Variants in PCDHA6 observed in about 807,000 individuals in gnomAD.
PCDHA6 encodes the protein protocadherin alpha 6, also known as protocadherin alpha-6.
PCDHA6 carries 55 observed loss-of-function variants against 60.3 expected under a neutral mutation model. That is an observed-to-expected ratio of 0.91 (90% CI 0.73 to 1.14). PCDHA6 has a LOEUF of 1.14. Ranked by LOEUF, PCDHA6 falls within the 50% of genes most tolerant of loss-of-function variation. The pLI is 0.00. For missense variants in PCDHA6, 1,327 were observed against 1,256.5 expected (o/e 1.06, Z -0.85); for synonymous variants, 652 against 557.9 (o/e 1.17, Z -2.38).
intron 1 of PCDHA6, among the ~76,000 whole-genome samples, chr5:140,974,883 C>T (rs1188748856): frequency 1.3e-5 from 2 of 152,154 alleles, no homozygotes; most frequent in Non-Finnish European, 2.9e-5. Context: ...CTATGTATCC[C>T]TTTTCTGATG....
At chr5:141,006,689 G>C (rs1249412460) in intron 3 of PCDHA6, among the ~76,000 whole-genome samples, 3 of 152,072 alleles carry the variant, frequency 2.0e-5, no homozygotes, top group African/African-American at 7.2e-5. Flanking sequence ...TGGGAGAAGA[G>C]GACAGAGTCA....
chr5:140,859,471 T>TAG, intron 1 of PCDHA6: 1 of 211,266 alleles, frequency 4.7e-6, no homozygotes, highest in Non-Finnish European at 9.2e-6. Context: ...ACACTATCAA[T>TAG]TGTGTTTTCC....
At chr5:140,854,198 C>T (rs1554147125) in intron 1 of PCDHA6, 1 of 547,806 alleles carries the variant, frequency 1.8e-6, no homozygotes, top group East Asian at 1.4e-4. Flanking sequence ...CTACTCCCTA[C>T]TTTTTATTCA....
At chr5:140,927,679 G>A (rs782403424) in intron 1 of PCDHA6, 11 of 1,614,188 alleles carry the variant, frequency 6.8e-6, no homozygotes, top group Non-Finnish European at 5.1e-6. Flanking sequence ...TCCAGATGAA[G>A]GGTCCAATGG....
chr5:140,863,992 C>T (rs1554158598), intron 1 of PCDHA6: 3 of 152,876 alleles, frequency 2.0e-5, no homozygotes, highest in African/African-American at 7.3e-5. Context: ...CAGGGTGAAA[C>T]TCTGTCTTAA....
At chr5:140,832,932 A>G (rs2150205265) in intron 1 of PCDHA6, among the ~76,000 whole-genome samples, 5 of 152,204 alleles carry the variant, frequency 3.3e-5, no homozygotes, top group Non-Finnish European at 7.4e-5. Flanking sequence ...ATTCATGAGA[A>G]GAGAGTAACT....
At chr5:141,003,680 T>C (rs1167133667) in intron 3 of PCDHA6, among the ~76,000 whole-genome samples, 1 of 152,198 alleles carries the variant, frequency 6.6e-6, no homozygotes, top group African/African-American at 2.4e-5. Flanking sequence ...GTTGTTCTGA[T>C]TTTAAAATAT....
chr5:140,833,113 A>G (rs1554133763), intron 1 of PCDHA6, among the ~76,000 whole-genome samples: 1 of 152,250 alleles, frequency 6.6e-6, no homozygotes, highest in Non-Finnish European at 1.5e-5. Flanking sequence ...ACACTCTTCA[A>G]AGTCATTTGA....
At chr5:140,856,537 G>C (rs782543512) in intron 1 of PCDHA6, 2 of 1,598,372 alleles carry the variant, frequency 1.3e-6, no homozygotes, top group East Asian at 4.5e-5. Context: ...ATGTTGGAGA[G>C]AACGCATTGC....
At chr5:140,857,099 G>T in intron 1 of PCDHA6, 1 of 1,597,354 alleles carries the variant, frequency 6.3e-7, no homozygotes, top group Non-Finnish European at 8.6e-7. Context: ...TGAGGTGATT[G>T]TCACTTCTCT....
At chr5:140,861,758 T>C (rs1469300232) in intron 1 of PCDHA6, 1 of 93,472 alleles carries the variant, frequency 1.1e-5, no homozygotes, top group African/African-American at 4.7e-5. Context: ...TGATTATTTT[T>C]CCCTGGAAAT....
chr5:140,906,661 A>C (rs1237437986), intron 1 of PCDHA6, among the ~76,000 whole-genome samples: 1 of 152,176 alleles, frequency 6.6e-6, no homozygotes, highest in African/African-American at 2.4e-5. Flanking sequence ...TTCCTGGTGT[A>C]GTGACCCAAA....
At chr5:140,858,227 G>C (rs782000026) in intron 1 of PCDHA6, 1 of 1,596,486 alleles carries the variant, frequency 6.3e-7, no homozygotes. Context: ...GGCGCCCACC[G>C]AGGGCGCATG....
At chr5:140,939,965 C>T (rs565275285) in intron 1 of PCDHA6, among the ~76,000 whole-genome samples, 1 of 152,100 alleles carries the variant, frequency 6.6e-6, no homozygotes, top group African/African-American at 2.4e-5. Context: ...TAAAGTGTTC[C>T]ACGATGAATA....
At chr5:140,973,697 C>G (rs1474916406) in intron 1 of PCDHA6, among the ~76,000 whole-genome samples, 1 of 152,226 alleles carries the variant, frequency 6.6e-6, no homozygotes, top group Non-Finnish European at 1.5e-5. Context: ...CTGTTTCCTT[C>G]TGACCCAGGA....
intron 1 of PCDHA6, chr5:140,876,109 A>T: frequency 6.2e-7 from 1 of 1,613,946 alleles, no homozygotes; most frequent in Non-Finnish European, 8.5e-7. Context: ...TTTATTGCTG[A>T]TGGTAATCGA....
At chr5:140,881,042 G>A (rs2058565950) in intron 1 of PCDHA6, among the ~76,000 whole-genome samples, 1 of 152,208 alleles carries the variant, frequency 6.6e-6, no homozygotes, top group Non-Finnish European at 1.5e-5. Context: ...TTCCTATAGA[G>A]TTGTGCACAG....
chr5:140,968,025 C>T lies in PCDHA6; in HGVS notation c.2395-10924C>T, dbSNP rs782679458. ...CTGAATGGCTTTGGAAACTCCTATA[C>T]ACTGGTGGTGAGCGGCCCACTGGAC... On this transcript the variant is annotated intron_variant, in intron 1 of 3. Coordinates refer to ENST00000529310, the MANE Select transcript of PCDHA6 (RefSeq NM_018909.4). 4.3e-6 allele frequency: 7 copies of T among 1,614,200 alleles called. No individual in the cohort carries two copies. In the South Asian group the frequency reaches 6.6e-5, roughly 15 times the overall value.
intron 1 of PCDHA6, among the ~76,000 whole-genome samples, chr5:140,933,797 A>G (rs1419925900): frequency 6.6e-6 from 1 of 152,062 alleles, no homozygotes; most frequent in African/African-American, 2.4e-5. Context: ...GAAAATTTTA[A>G]TTGAGATCAA....
Sources: gnomAD v4.1 joint callset for allele counts (sites outside exome capture counted in the v4.1 genomes callset) on GRCh38, gnomAD v4.1.1 for gene constraint, MANE v1.5 for transcripts, NCBI Gene and HGNC (gene_info 2026-07-23, HGNC 2026-07-21) for gene names.